The following FER variants were observed in gnomAD, a reference collection of about 807,000 sequenced individuals.
The protein encoded by FER is tyrosine-protein kinase Fer.
Under a neutral mutation model 111.0 loss-of-function variants are expected in FER, and 63 were observed. The ratio of observed to expected loss-of-function variants is 0.57; its 90% CI spans 0.46 to 0.70. The LOEUF is 0.70. FER is among the 30% of genes least tolerant of loss of function. The pLI is 0.00. For missense variants in FER, 914 were observed against 954.0 expected (o/e 0.96, Z 0.55); for synonymous variants, 327 against 313.9 (o/e 1.04, Z -0.44).
At chr5:108,958,512 A>G (rs747617311) in intron 12 of FER, among the ~76,000 whole-genome samples, 1 of 151,920 alleles carries the variant, frequency 6.6e-6, no homozygotes, top group African/African-American at 2.4e-5. Context: ...AATTTGAAAT[A>G]TGAAAACAAG....
chr5:109,003,276 A>G (rs1765048652), intron 13 of FER, among the ~76,000 whole-genome samples: 1 of 152,158 alleles, frequency 6.6e-6, no homozygotes, highest in South Asian at 2.1e-4. Context: ...ACCATGTAAT[A>G]CTATGCAGCT....
Position 109,029,425 on chromosome 5 carries a change from C to CTTT in FER, c.1657-7974_1657-7972dup, listed in dbSNP as rs757282669. Among the ~76,000 whole-genome samples, 183 of 52,102 alleles carry CTTT rather than the reference C, an allele frequency of 3.5e-3. 2 individuals are homozygous for CTTT. Among genetic ancestry groups the CTTT allele is most frequent in the African/African-American group, 6.8e-3 (81 of 11,994 alleles). 34.2% of individuals were successfully genotyped at this position (52,102 alleles called of 152,430 possible). A position where few individuals can be genotyped will look rare whatever the true frequency, so the allele number is the denominator to read the frequency against. On this transcript the variant is annotated intron_variant, in intron 13 of 19. Transcript: ENST00000281092. ...ATGTCTTTATTTTCTATTCATTGTT[C>CTTT]TTTTTTTTTTTTTTTTTTTTTTTTT...
chr5:109,180,861 G>T lies in FER; in HGVS notation c.2163G>T (p.Gln721His). The change falls in exon 18 of 20, where the codon CAG becomes CAT. Residue 721 changes from glutamine to histidine, a missense_variant. Physicochemically the swap from Gln to His is conservative, Grantham distance 24. This residue lies in a region of FER where 134 missense variants were observed against 149.4 expected (regional missense o/e 0.90). Coordinates refer to ENST00000281092, the MANE Select transcript of FER (RefSeq NM_005246.4). ...GGVYSSSGLKQIPIKWTAPEA... is the reference protein window; with the variant it reads ...GGVYSSSGLKHIPIKWTAPEA... ...TGTATTCATCTTCTGGCTTAAAGCAGATTCCCATTAAATGGACAGCACCGG... is the reference window on the plus strand; with the variant it reads ...TGTATTCATCTTCTGGCTTAAAGCATATTCCCATTAAATGGACAGCACCGG... 6.2e-7 allele frequency: 1 copy of T among 1,613,072 alleles called. No homozygotes were observed. Among genetic ancestry groups the T allele is most frequent in the Admixed American group, 1.7e-5 (1 of 59,852 alleles).
At chr5:108,786,591 C>T (rs1389081847) in intron 2 of FER, among the ~76,000 whole-genome samples, 2 of 152,142 alleles carry the variant, frequency 1.3e-5, no homozygotes, top group Admixed American at 1.3e-4. Flanking sequence ...AGCTCTGCCT[C>T]CCGGGTTCAA....
At chr5:109,095,121 A>T (rs534151201) in intron 16 of FER, among the ~76,000 whole-genome samples, 2 of 152,292 alleles carry the variant, frequency 1.3e-5, no homozygotes, top group South Asian at 4.1e-4. Context: ...TGTTAGCAGA[A>T]CATGACCATC....
In FER at chr5:109,126,451, T is replaced by C. The variant is rs575451961; in HGVS notation, c.2048+25932T>C. On this transcript the variant is annotated intron_variant, in intron 17 of 19. Coordinates refer to ENST00000281092, the MANE Select transcript of FER (RefSeq NM_005246.4). ...GAAAGTTCTTGGAAGAAAAAGAATT[T>C]AGGATCTTGATTTCAGGGCTAGGCC... is the stretch of plus-strand genomic sequence containing the variant. Among the ~76,000 whole-genome samples the C allele has an allele frequency of 3.3e-5, 5 of 152,346 alleles. No individual in the cohort carries two copies. The East Asian group carries it at 9.6e-4, about 29-fold the overall frequency.
In FER at chr5:109,188,467, T is replaced by TTGCTTTC. The variant is rs1299194716; in HGVS notation, c.*892_*893insTGCTTTC. ...TTGAGGCAGTTGCTTTTCAAGGATG[T>TTGCTTTC]ACAGAGAGCTGTGAAGCAAGAAACA... On this transcript the variant is annotated 3_prime_UTR_variant, in exon 20 of 20. Transcript: ENST00000281092. The TTGCTTTC allele has an allele frequency of 6.7e-6, 1 of 148,266 alleles. No homozygotes were observed. Among genetic ancestry groups the TTGCTTTC allele is most frequent in the Non-Finnish European group, 1.5e-5 (1 of 66,604 alleles). The allele number at this position is 148,266 out of a possible 1,614,324, so 9.2% of individuals were successfully genotyped here.
intron 16 of FER, among the ~76,000 whole-genome samples, chr5:109,087,936 A>G (rs1777746854): frequency 6.6e-6 from 1 of 151,946 alleles, no homozygotes. Flanking sequence ...TTTATAAAGT[A>G]TTATAACAAT....
At chr5:108,974,747 G>A (rs188644067) in intron 13 of FER, among the ~76,000 whole-genome samples, 4 of 152,330 alleles carry the variant, frequency 2.6e-5, no homozygotes, top group African/African-American at 7.2e-5. Context: ...TATGCCTACA[G>A]TATGACTACA....
chr5:108,972,572 A>C (rs531070619), intron 13 of FER, among the ~76,000 whole-genome samples: 14 of 152,090 alleles, frequency 9.2e-5, no homozygotes, highest in Non-Finnish European at 1.9e-4. Context: ...TTAGTTTTGT[A>C]TATCTGACGT....
At chr5:108,909,605 T>C (rs1751272799) in intron 10 of FER, among the ~76,000 whole-genome samples, 1 of 152,116 alleles carries the variant, frequency 6.6e-6, no homozygotes, top group Non-Finnish European at 1.5e-5. Flanking sequence ...TATAAACAAA[T>C]TCAGATGTTT....
intron 16 of FER, among the ~76,000 whole-genome samples, chr5:109,087,079 G>C (rs1777648715): frequency 6.7e-6 from 1 of 150,156 alleles, no homozygotes; most frequent in Admixed American, 6.7e-5. Context: ...ACATTCTGAG[G>C]TACTGAGGGT....
At chr5:109,013,224 C>T (rs1766546135) in intron 13 of FER, among the ~76,000 whole-genome samples, 2 of 93,772 alleles carry the variant, frequency 2.1e-5, no homozygotes, top group Non-Finnish European at 4.0e-5. Flanking sequence ...TGCTATCCCT[C>T]CCCCCTCCCC....
At chr5:108,775,947 C>A (rs199816661) in intron 2 of FER, among the ~76,000 whole-genome samples, 1 of 152,234 alleles carries the variant, frequency 6.6e-6, no homozygotes, top group South Asian at 2.1e-4. Flanking sequence ...TTGTTTCTAT[C>A]TTGCTGTGGC....
At chr5:108,974,802 A>G (rs1683613086) in intron 13 of FER, among the ~76,000 whole-genome samples, 2 of 152,244 alleles carry the variant, frequency 1.3e-5, no homozygotes, top group Non-Finnish European at 2.9e-5. Context: ...GACAGCCTCT[A>G]GAAACTGGAA....
At chr5:108,889,612 T>C (rs1464588714) in intron 9 of FER, among the ~76,000 whole-genome samples, 1 of 151,944 alleles carries the variant, frequency 6.6e-6, no homozygotes, top group Non-Finnish European at 1.5e-5. Flanking sequence ...CACAACAGGG[T>C]AACTGTAGTC....
chr5:109,167,822 T>A (rs1241622954), intron 17 of FER, among the ~76,000 whole-genome samples: 1 of 152,074 alleles, frequency 6.6e-6, no homozygotes, highest in East Asian at 1.9e-4. Context: ...TTGCCTATAG[T>A]CTAGACAAGC....
At chr5:108,791,575 GATATATA>G (rs1561425047) in intron 2 of FER, among the ~76,000 whole-genome samples, 5 of 147,520 alleles carry the variant, frequency 3.4e-5, no homozygotes, top group African/African-American at 5.0e-5. Flanking sequence ...ACATATATAT[GATATATA>G]TATATACATA....
At chr5:109,083,548 A>C (rs1175835655) in intron 16 of FER, among the ~76,000 whole-genome samples, 2 of 152,082 alleles carry the variant, frequency 1.3e-5, no homozygotes, top group African/African-American at 4.8e-5. Context: ...TATTTGCGAC[A>C]TTCCTCTAAT....
Sources: allele counts gnomAD v4.1 joint callset (sites outside exome capture counted in the v4.1 genomes callset), GRCh38; gene constraint gnomAD v4.1.1; regional missense constraint gnomAD v4.1.1; transcripts MANE v1.5; gene names NCBI Gene and HGNC (gene_info 2026-07-23, HGNC 2026-07-21).